Variants in DMD observed in about 807,000 individuals in gnomAD.
The protein encoded by DMD is mutant dystrophin.
Under a neutral mutation model 330.1 loss-of-function variants are expected in DMD, and 63 were observed. The ratio of observed to expected loss-of-function variants is 0.19; its 90% CI spans 0.16 to 0.24. DMD has a LOEUF of 0.24. Among genes scored for constraint, DMD ranks in the 10% least tolerant of loss-of-function variants. DMD has a pLI of 1.00. For synonymous variants in DMD, 1,223 were observed against 959.8 expected (o/e 1.27, Z -5.07); for missense variants, 3,344 against 2,684.1 (o/e 1.25, Z -5.43).
chrX:32,615,084 C>T, intron 11 of DMD, among the ~76,000 whole-genome samples: 1 of 111,191 alleles, frequency 9.0e-6, no homozygotes, highest in Non-Finnish European at 1.9e-5. Flanking sequence ...AGTGAGCTTC[C>T]AGCTCAGCAC....
At chrX:31,610,949 C>CAAT (rs1482067608) in intron 55 of DMD, among the ~76,000 whole-genome samples, 1 of 111,133 alleles carries the variant, frequency 9.0e-6, no homozygotes, top group Non-Finnish European at 1.9e-5. Context: ...GAAGAATAAA[C>CAAT]AATACTATTC....
chrX:33,173,652 A>G (rs1426131441), intron 1 of DMD, among the ~76,000 whole-genome samples: 1 of 111,553 alleles, frequency 9.0e-6, no homozygotes, highest in Admixed American at 9.6e-5. Context: ...AATAAGCTCG[A>G]TAGAATGATA....
chrX:32,552,713 A>C (rs942962413), intron 16 of DMD, among the ~76,000 whole-genome samples: 1 of 112,273 alleles, frequency 8.9e-6, no homozygotes, highest in Admixed American at 9.5e-5. Flanking sequence ...AAGGAACTTA[A>C]ATTTACAAGC....
intron 35 of DMD, 149 bp downstream of exon 35, chrX:32,364,871 T>G: frequency 1.4e-6 from 1 of 711,871 alleles, no homozygotes; most frequent in Non-Finnish European, 2.0e-6. Context: ...TAAAGAAAAA[T>G]ATATTAAAAT....
At chrX:31,330,763 T>C (rs993832710) in intron 61 of DMD, among the ~76,000 whole-genome samples, 2 of 112,216 alleles carry the variant, frequency 1.8e-5, no homozygotes, top group Non-Finnish European at 3.8e-5. Flanking sequence ...TAGTGTTGAA[T>C]ATATATGTAT....
At chrX:32,507,096 A>AC (rs1393226052) in intron 18 of DMD, among the ~76,000 whole-genome samples, 1 of 112,033 alleles carries the variant, frequency 8.9e-6, no homozygotes, top group East Asian at 2.8e-4. Flanking sequence ...AGGAGAAAAA[A>AC]TAAGCACATT....
At chrX:33,172,627 G>A (rs954442226) in intron 1 of DMD, among the ~76,000 whole-genome samples, 11 of 111,642 alleles carry the variant, frequency 9.9e-5, no homozygotes, top group African/African-American at 3.3e-4. Flanking sequence ...AGCCAACTTC[G>A]ATGAAACAAA....
chrX:31,802,942 G>A (rs2092132714), intron 50 of DMD, among the ~76,000 whole-genome samples: 1 of 111,487 alleles, frequency 9.0e-6, no homozygotes, highest in Non-Finnish European at 1.9e-5. Context: ...CCAAAAGAGT[G>A]AGACAGAGGG....
chrX:32,146,196 A>G (rs138835476), intron 44 of DMD, among the ~76,000 whole-genome samples: 3,600 of 112,264 alleles, frequency 0.032, 105 homozygotes, highest in African/African-American at 0.089. Flanking sequence ...TTTTGTTACC[A>G]TAAGTTAATG....
At chrX:31,223,209 T>C in intron 63 of DMD, 88 bp from the exon 64 acceptor site, 1 of 787,326 alleles carries the variant, frequency 1.3e-6, no homozygotes, top group Non-Finnish European at 2.0e-6. Flanking sequence ...TGCCAATAAC[T>C]ACAACCACCA....
chrX:31,151,644 C>T (rs2037430498), intron 74 of DMD, among the ~76,000 whole-genome samples: 1 of 112,554 alleles, frequency 8.9e-6, no homozygotes, highest in Admixed American at 9.4e-5. Flanking sequence ...AGAAAAGGCT[C>T]ATTTTAATCA....
chrX:32,799,373 T>G lies in DMD; in HGVS notation c.649+10120A>C, dbSNP rs151001036. On this transcript the variant is annotated intron_variant, in intron 7 of 78. Coordinates refer to ENST00000357033, the MANE Select transcript of DMD (RefSeq NM_004006.3). The stretch of plus-strand genomic sequence containing the variant: ...TTTGGTCAAATTTGACTGTCATTAT[T>G]CATTTTTGTTCTAAAGTTACCCTGG... 4.9e-3 allele frequency among the ~76,000 whole-genome samples: 542 copies of G among 111,744 alleles called. 11 individuals carry two copies. The highest frequency in any genetic ancestry group is 0.016 in the African/African-American group (506 of 30,854).
At chrX:32,345,785 A>G (rs1182105792) in intron 39 of DMD, among the ~76,000 whole-genome samples, 158 bp downstream of exon 39, 2 of 110,928 alleles carry the variant, frequency 1.8e-5, no homozygotes, top group Non-Finnish European at 1.9e-5. Context: ...AAAATCAAAT[A>G]CCACTCAAAA....
intron 51 of DMD, among the ~76,000 whole-genome samples, chrX:31,740,983 G>C (rs112712123): frequency 0.22 from 24,327 of 111,078 alleles, 2,083 homozygotes; most frequent in Admixed American, 0.35. Context: ...ATCCTTTGTT[G>C]TCATTTCAAC....
At chrX:32,342,808 A>G (rs2097750583) in intron 40 of DMD, 1 of 363,812 alleles carries the variant, frequency 2.7e-6, no homozygotes, top group Non-Finnish European at 5.2e-6. Flanking sequence ...ATGGGCTAAC[A>G]TGAGTAAGAA....
At chrX:33,294,252 C>A (rs1268577535) in intron 1 of DMD, among the ~76,000 whole-genome samples, 2 of 111,197 alleles carry the variant, frequency 1.8e-5, no homozygotes, top group Non-Finnish European at 3.8e-5. Context: ...TTTCCAGAGA[C>A]TTTCCATGGT....
intron 34 of DMD, among the ~76,000 whole-genome samples, chrX:32,368,854 A>T (rs2097863086): frequency 9.0e-6 from 1 of 111,518 alleles, no homozygotes; most frequent in Non-Finnish European, 1.9e-5. Flanking sequence ...AAATTCAATG[A>T]CTAAATTCAC....
chrX:32,912,889 C>CTTAAAATCTTT (rs2087415369), intron 2 of DMD, among the ~76,000 whole-genome samples: 1 of 112,154 alleles, frequency 8.9e-6, no homozygotes, highest in Admixed American at 9.5e-5. Context: ...ATGATTGAAA[C>CTTAAAATCTTT]TGTATGTCTT....
intron 1 of DMD, among the ~76,000 whole-genome samples, chrX:33,088,234 G>A (rs1405597001): frequency 9.0e-6 from 1 of 110,686 alleles, no homozygotes; most frequent in East Asian, 2.8e-4. Flanking sequence ...AGTAGAGACA[G>A]GGGTCTCACC....
Sources: allele counts gnomAD v4.1 joint callset (sites outside exome capture counted in the v4.1 genomes callset), GRCh38; gene constraint gnomAD v4.1.1; transcripts MANE v1.5; gene names NCBI Gene and HGNC (gene_info 2026-07-23, HGNC 2026-07-21).